KSR1: variants seen among roughly 807,000 people sequenced by gnomAD.
KSR1 encodes kinase suppressor of ras 1.
In KSR1, 35 loss-of-function variants were observed where a neutral mutation model predicts 92.9. The ratio of observed to expected loss-of-function variants is 0.38; its 90% CI spans 0.29 to 0.50. KSR1 has a LOEUF of 0.50. KSR1 is among the 20% of genes least tolerant of loss of function. The pLI is 0.94. For synonymous variants in KSR1, 467 were observed against 472.6 expected, an observed-to-expected ratio of 0.99 and a Z score of 0.15; for missense variants, 972 against 1,158.5, an observed-to-expected ratio of 0.84 and a Z score of 2.34.
intron 11 of KSR1, 120 bp from the exon 12 acceptor site, chr17:27,603,714 A>G: frequency 1.0e-6 from 1 of 973,754 alleles, no homozygotes; most frequent in Non-Finnish European, 1.6e-6. Flanking sequence ...TCTGGGGAAC[A>G]TGTGGCAGTC....
At chr17:27,589,149 G>C (rs1416634324) in intron 6 of KSR1, among the ~76,000 whole-genome samples, 1 of 152,202 alleles carries the variant, frequency 6.6e-6, no homozygotes, top group African/African-American at 2.4e-5. Context: ...TGGGTGGAGA[G>C]AGTAACATTT....
chr17:27,463,709 CT>C (rs1335690674), intron 1 of KSR1, among the ~76,000 whole-genome samples: 2 of 152,184 alleles, frequency 1.3e-5, no homozygotes, highest in African/African-American at 4.8e-5. Context: ...GATTTCAGGT[CT>C]CCCTGTCCAG....
At chr17:27,501,053 G>A (rs2069158577) in intron 1 of KSR1, among the ~76,000 whole-genome samples, 1 of 152,194 alleles carries the variant, frequency 6.6e-6, no homozygotes, top group African/African-American at 2.4e-5. Context: ...ACAGAATTCA[G>A]ACCAAAGGCT....
intron 1 of KSR1, among the ~76,000 whole-genome samples, chr17:27,544,001 C>T (rs773853286): frequency 2.6e-5 from 4 of 152,192 alleles, no homozygotes; most frequent in Non-Finnish European, 5.9e-5. Flanking sequence ...GAGAACCTGT[C>T]GGCTTCGCCT....
chr17:27,551,886 C>T lies in KSR1; in HGVS notation c.372+1178C>T, dbSNP rs567813712. On this transcript the variant is annotated intron_variant, in intron 2 of 20. Transcript: ENST00000644974. ...TTCCACCCAGCAGCCAGGGTGCTCA[C>T]CTAGAAAGGTGACTTGGATCCCATC... 1.4e-4 allele frequency among the ~76,000 whole-genome samples: 21 copies of T among 152,318 alleles called. No homozygotes were observed. The South Asian group carries it at 3.5e-3, about 26-fold the overall frequency.
intron 2 of KSR1, among the ~76,000 whole-genome samples, chr17:27,558,603 G>A (rs1278490636): frequency 2.0e-5 from 3 of 152,148 alleles, no homozygotes; most frequent in African/African-American, 7.2e-5. Flanking sequence ...TACTTACTGG[G>A]TGAAGGAATG....
At chr17:27,579,910 A>AAAAT (rs1245755609) in intron 3 of KSR1, 2 of 149,908 alleles carry the variant, frequency 1.3e-5, no homozygotes, top group Non-Finnish European at 3.0e-5. Flanking sequence ...AAAAAAAAAA[A>AAAAT]AGTGAGTGAA....
In KSR1 at chr17:27,495,545, G is replaced by A. The variant is rs115554818; in HGVS notation, c.231+38671G>A. The stretch of plus-strand genomic sequence containing the variant: ...CCTGATCTGCCCCAAAGGTGGAGTT[G>A]GGCGACAGGAGGGAGGCTTGGAGAT... On this transcript the variant is annotated intron_variant, in intron 1 of 20. Transcript: ENST00000644974. Among the ~76,000 whole-genome samples the A allele has an allele frequency of 3.1e-3, 476 of 152,272 alleles. 1 individual carries two copies. Among genetic ancestry groups the A allele is most frequent in the African/African-American group, 0.011 (451 of 41,554 alleles).
At chr17:27,466,230 G>A (rs2019687964) in intron 1 of KSR1, among the ~76,000 whole-genome samples, 2 of 152,334 alleles carry the variant, frequency 1.3e-5, no homozygotes, top group South Asian at 4.1e-4. Context: ...TTGTGTTTAA[G>A]TTTTAGGTTT....
At chr17:27,601,934 G>A (rs962228541) in intron 11 of KSR1, 1 of 1,608,290 alleles carries the variant, frequency 6.2e-7, no homozygotes, top group African/African-American at 1.3e-5. Context: ...CCTTATTGCA[G>A]AAAGTTTAAA....
chr17:27,569,858 A>G (rs2072237148), intron 2 of KSR1, among the ~76,000 whole-genome samples: 1 of 152,186 alleles, frequency 6.6e-6, no homozygotes, highest in African/African-American at 2.4e-5. Flanking sequence ...ATACCTCTGG[A>G]TTTATAGAAG....
chr17:27,490,455 G>A (rs536385988), intron 1 of KSR1, among the ~76,000 whole-genome samples: 1 of 152,182 alleles, frequency 6.6e-6, no homozygotes, highest in African/African-American at 2.4e-5. Context: ...ACCTTCGCCA[G>A]AGCAATCCCC....
intron 2 of KSR1, among the ~76,000 whole-genome samples, chr17:27,564,210 C>T (rs574562697): frequency 2.0e-5 from 3 of 152,072 alleles, no homozygotes; most frequent in East Asian, 3.9e-4. Flanking sequence ...AGGCTGGTCT[C>T]GAACCCCTGG....
intron 1 of KSR1, among the ~76,000 whole-genome samples, chr17:27,464,615 G>A (rs1376891585): frequency 2.6e-5 from 4 of 151,718 alleles, no homozygotes; most frequent in Non-Finnish European, 5.9e-5. Flanking sequence ...AGCTACTACA[G>A]TGGCTGAGGC....
At chr17:27,615,291 A>G (rs1302566672) in intron 18 of KSR1, among the ~76,000 whole-genome samples, 2 of 152,236 alleles carry the variant, frequency 1.3e-5, no homozygotes, top group African/African-American at 2.4e-5. Flanking sequence ...AAGTGAAAAG[A>G]TGATGAACAG....
intron 1 of KSR1, among the ~76,000 whole-genome samples, chr17:27,475,911 T>C (rs1309234821): frequency 1.3e-5 from 2 of 152,188 alleles, no homozygotes; most frequent in Non-Finnish European, 2.9e-5. Flanking sequence ...TAAGATTGCA[T>C]GTATGTGGCA....
rs1597903594 is a variant in KSR1, at chr17:27,506,629, T to C, written c.232-43939T>C. Among the ~76,000 whole-genome samples, 3 of 152,256 alleles carry C rather than the reference T, an allele frequency of 2.0e-5. No individual in the cohort carries two copies. In the South Asian group the frequency reaches 6.2e-4, roughly 32 times the overall value. ...GAGTCTTCCCTTTGCAGTTGGTAAC[T>C]TGGTGTTCTTGGGGATTTGTCCAGC... On this transcript the variant is annotated intron_variant, in intron 1 of 20. Transcript: ENST00000644974.
At chr17:27,623,277 A>G (rs758031719) in intron 20 of KSR1, 37 bp from the exon 21 acceptor site, 17 of 753,990 alleles carry the variant, frequency 2.3e-5, no homozygotes, top group African/African-American at 1.4e-4. Context: ...ATGAAGATCA[A>G]TGGGGCTATA....
chr17:27,525,461 T>G (rs2070221760), intron 1 of KSR1, among the ~76,000 whole-genome samples: 1 of 152,226 alleles, frequency 6.6e-6, no homozygotes. Flanking sequence ...AGTTACCGCA[T>G]GTAATGTGCT....
Sources: gnomAD v4.1 joint callset for allele counts (sites outside exome capture counted in the v4.1 genomes callset) on GRCh38, gnomAD v4.1.1 for gene constraint, MANE v1.5 for transcripts, NCBI Gene and HGNC (gene_info 2026-07-23, HGNC 2026-07-21) for gene names.